The following SGCD variants were observed in gnomAD, a reference collection of about 807,000 sequenced individuals.
SGCD encodes sarcoglycan delta, also known as delta-sarcoglycan.
A neutral mutation model predicts 36.6 loss-of-function variants in SGCD; 18 were observed. The ratio of observed to expected loss-of-function variants is 0.49; its 90% CI spans 0.34 to 0.73. SGCD has a LOEUF of 0.73. Ranked by LOEUF, SGCD falls within the 30% of genes least tolerant of loss-of-function variation. SGCD has a pLI of 0.01. For synonymous variants in SGCD, 133 were observed against 130.6 expected (o/e 1.02, Z -0.12); for missense variants, 387 against 346.7 (o/e 1.12, Z -0.92).
At chr5:156,264,416 T>C (rs1002563326) in intron 3 of SGCD, among the ~76,000 whole-genome samples, 3 of 152,100 alleles carry the variant, frequency 2.0e-5, no homozygotes, top group Non-Finnish European at 4.4e-5. Flanking sequence ...ATAGAAATTA[T>C]ATGTGCTGAA....
At chr5:156,351,310 G>A (rs561912971) in intron 3 of SGCD, among the ~76,000 whole-genome samples, 2 of 152,282 alleles carry the variant, frequency 1.3e-5, no homozygotes, top group African/African-American at 4.8e-5. Flanking sequence ...AGCAGAATCT[G>A]ACACATAGGA....
At chr5:156,605,212 A>C (rs908519916) in intron 6 of SGCD, among the ~76,000 whole-genome samples, 1 of 151,350 alleles carries the variant, frequency 6.6e-6, no homozygotes, top group Admixed American at 6.6e-5. Context: ...CCCCCCACCC[A>C]ACAACAGGCC....
At chr5:156,203,655 A>G (rs1282059583) in intron 3 of SGCD, among the ~76,000 whole-genome samples, 1 of 152,154 alleles carries the variant, frequency 6.6e-6, no homozygotes, top group African/African-American at 2.4e-5. Flanking sequence ...AAGTCCCTCA[A>G]AATAATTTAT....
chr5:156,093,386 A>G lies in SGCD; in HGVS notation c.-281-24492A>G, dbSNP rs10064643. Among the ~76,000 whole-genome samples the G allele has an allele frequency of 1.9e-3, 290 of 152,228 alleles. 2 individuals are homozygous for G. The highest frequency in any genetic ancestry group is 6.6e-3 in the African/African-American group (275 of 41,536). ...CCTGTTTTTTTAACTTTCTCTTTAT[A>G]TTGAGATCACTCTACCGAATGAAAG... On this transcript the variant is annotated intron_variant, in intron 1 of 9. Coordinates refer to the SGCD transcript ENST00000517913.
the SGCD span, among the ~76,000 whole-genome samples, chr5:155,836,212 T>C: frequency 6.6e-6 from 1 of 152,186 alleles, no homozygotes; most frequent in Non-Finnish European, 1.5e-5. Flanking sequence ...CCATGGGGTC[T>C]GTCCACCATT....
intron 3 of SGCD, among the ~76,000 whole-genome samples, chr5:156,201,881 TC>T (rs1489461640): frequency 6.6e-6 from 1 of 152,098 alleles, no homozygotes; most frequent in Non-Finnish European, 1.5e-5. Flanking sequence ...TGTGTGGGAA[TC>T]TAGGGCACAG....
At chr5:156,629,864 T>C (rs960129517) in intron 6 of SGCD, among the ~76,000 whole-genome samples, 15 of 144,772 alleles carry the variant, frequency 1.0e-4, no homozygotes, top group Non-Finnish European at 2.0e-4. Flanking sequence ...TCTTTTTTTT[T>C]TTTTTTTTTT....
intron 6 of SGCD, among the ~76,000 whole-genome samples, chr5:156,616,754 T>C (rs1762035014): frequency 6.6e-6 from 1 of 152,216 alleles, no homozygotes; most frequent in African/African-American, 2.4e-5. Flanking sequence ...AAACAGCATG[T>C]TCCCATTATC....
intron 4 of SGCD, among the ~76,000 whole-genome samples, chr5:156,567,284 G>A (rs1759519128): frequency 6.6e-6 from 1 of 151,446 alleles, no homozygotes. Context: ...GAGTGTGGAG[G>A]GGGTGAATGG....
At chr5:156,579,430 A>G (rs754720460) in intron 4 of SGCD, among the ~76,000 whole-genome samples, 13 of 151,998 alleles carry the variant, frequency 8.6e-5, no homozygotes, top group Non-Finnish European at 1.5e-4. Flanking sequence ...TTTCAGGTCC[A>G]CTTGGTGCAG....
chr5:156,401,854 T>C (rs1417529448), intron 3 of SGCD, among the ~76,000 whole-genome samples: 2 of 152,188 alleles, frequency 1.3e-5, no homozygotes, highest in Non-Finnish European at 2.9e-5. Context: ...CATATTATTG[T>C]CCAACCATCA....
chr5:156,214,083 T>C (rs1764515867), intron 3 of SGCD, among the ~76,000 whole-genome samples: 1 of 151,830 alleles, frequency 6.6e-6, no homozygotes, highest in Non-Finnish European at 1.5e-5. Context: ...CTATTCAAAA[T>C]AAGATTGGAA....
At chr5:156,289,423 C>T (rs1252365386) in intron 3 of SGCD, among the ~76,000 whole-genome samples, 11 of 151,814 alleles carry the variant, frequency 7.2e-5, no homozygotes, top group Admixed American at 4.6e-4. Context: ...TATTAAGCCC[C>T]GTATGCATTA....
chr5:156,200,428 T>C (rs1429552245), intron 3 of SGCD, among the ~76,000 whole-genome samples: 1 of 152,076 alleles, frequency 6.6e-6, no homozygotes, highest in East Asian at 1.9e-4. Flanking sequence ...CACAGTCTCT[T>C]CGATAGATGA....
At chr5:156,589,534 G>C (rs932721207) in intron 5 of SGCD, among the ~76,000 whole-genome samples, 2 of 152,132 alleles carry the variant, frequency 1.3e-5, no homozygotes, top group Non-Finnish European at 2.9e-5. Context: ...CCTACTTAGT[G>C]GGGTAAGAAA....
chr5:156,678,810 G>C (rs1753612443), intron 7 of SGCD, among the ~76,000 whole-genome samples: 1 of 152,214 alleles, frequency 6.6e-6, no homozygotes, highest in Non-Finnish European at 1.5e-5. Flanking sequence ...AAAGTGAGCA[G>C]TGTATGCCCT....
At chr5:155,796,626 A>T in the SGCD span, among the ~76,000 whole-genome samples, 1 of 151,970 alleles carries the variant, frequency 6.6e-6, no homozygotes, top group South Asian at 2.1e-4. Flanking sequence ...CAACATGGAG[A>T]AAGCCCGTCT....
chr5:156,099,417 G>C (rs558429218), intron 1 of SGCD, among the ~76,000 whole-genome samples: 1 of 151,388 alleles, frequency 6.6e-6, no homozygotes, highest in African/African-American at 2.4e-5. Flanking sequence ...TCCTTTTTTT[G>C]TTGTTGTTTT....
intron 1 of SGCD, among the ~76,000 whole-genome samples, chr5:155,967,905 G>A (rs1757934921): frequency 6.6e-6 from 1 of 151,874 alleles, no homozygotes; most frequent in Non-Finnish European, 1.5e-5. Flanking sequence ...ACATCGTCGG[G>A]AGTGATTTCT....
Sources: allele counts gnomAD v4.1 joint callset (sites outside exome capture counted in the v4.1 genomes callset), GRCh38; gene constraint gnomAD v4.1.1; transcripts MANE v1.5; gene names NCBI Gene and HGNC (gene_info 2026-07-23, HGNC 2026-07-21).